ESR1: variants seen among roughly 807,000 people sequenced by gnomAD.
ESR1 encodes estrogen receptor 1, also known as estrogen receptor.
Under a neutral mutation model 52.7 loss-of-function variants are expected in ESR1, and 12 were observed. That is an observed-to-expected ratio of 0.23 (90% CI 0.15 to 0.37). The LOEUF is 0.37. Ranked by LOEUF, ESR1 falls within the 10% of genes least tolerant of loss-of-function variation. ESR1 has a pLI of 1.00. For missense variants in ESR1, 584 were observed against 779.7 expected (o/e 0.75, Z 2.99); for synonymous variants, 305 against 316.8 (o/e 0.96, Z 0.39).
At chr6:151,728,140 A>C (rs1302672351) in intron 2 of ESR1, among the ~76,000 whole-genome samples, 3 of 152,170 alleles carry the variant, frequency 2.0e-5, no homozygotes, top group African/African-American at 7.2e-5. Flanking sequence ...CCTGGTTTGA[A>C]GTGCCAGTCC....
chr6:151,978,566 T>C (rs7760755), intron 4 of ESR1, among the ~76,000 whole-genome samples: 2,829 of 152,110 alleles, frequency 0.019, 83 homozygotes, highest in African/African-American at 0.064. Context: ...CCAAGATCCA[T>C]CTTCATGGAC....
intron 5 of ESR1, among the ~76,000 whole-genome samples, chr6:152,030,163 A>G (rs559095683): frequency 1.6e-3 from 241 of 152,360 alleles, no homozygotes; most frequent in South Asian, 5.2e-3. Context: ...GAAAGGAACA[A>G]CTAGTACCAG....
At chr6:151,904,404 T>C (rs537299864) in intron 3 of ESR1, among the ~76,000 whole-genome samples, 1 of 152,216 alleles carries the variant, frequency 6.6e-6, no homozygotes, top group South Asian at 2.1e-4. Context: ...CTTGGGAAGT[T>C]CTCAGTGTAA....
chr6:152,092,339 C>G (rs1351598671), intron 6 of ESR1, among the ~76,000 whole-genome samples: 1 of 152,230 alleles, frequency 6.6e-6, no homozygotes, highest in Admixed American at 6.5e-5. Flanking sequence ...AAGATCCCGA[C>G]CATTCTGGTT....
At chr6:151,896,003 G>A (rs1442923695) in intron 3 of ESR1, among the ~76,000 whole-genome samples, 1 of 151,974 alleles carries the variant, frequency 6.6e-6, no homozygotes, top group Non-Finnish European at 1.5e-5. Context: ...TTGGCCAGGC[G>A]GGTCTTGAAC....
chr6:151,672,974 C>G (rs1366903091), intron 1 of ESR1, among the ~76,000 whole-genome samples: 1 of 151,272 alleles, frequency 6.6e-6, no homozygotes, highest in Non-Finnish European at 1.5e-5. Context: ...GACTACAGGC[C>G]CCCGCCACCA....
At chr6:152,013,994 A>G (rs558961821) in intron 5 of ESR1, among the ~76,000 whole-genome samples, 1 of 152,142 alleles carries the variant, frequency 6.6e-6, no homozygotes, top group African/African-American at 2.4e-5. Context: ...GGTAACTGAA[A>G]CATAAGCAAA....
chr6:152,087,134 T>G (rs2049789838), intron 6 of ESR1, among the ~76,000 whole-genome samples: 1 of 152,158 alleles, frequency 6.6e-6, no homozygotes, highest in African/African-American at 2.4e-5. Context: ...GCAAATTGGT[T>G]GCTATGAAGT....
chr6:152,051,438 C>A (rs2046670816), intron 5 of ESR1, among the ~76,000 whole-genome samples: 1 of 152,210 alleles, frequency 6.6e-6, no homozygotes, highest in South Asian at 2.1e-4. Context: ...CAAATCCATG[C>A]TTCTCTTTCT....
At chr6:152,097,419 C>T (rs1004545691) in intron 7 of ESR1, among the ~76,000 whole-genome samples, 2 of 151,186 alleles carry the variant, frequency 1.3e-5, no homozygotes, top group African/African-American at 4.9e-5. Flanking sequence ...AAAAAAGTAA[C>T]ACTTAAACAA....
intron 1 of ESR1, among the ~76,000 whole-genome samples, chr6:151,833,438 G>A (rs1363180283): frequency 6.6e-6 from 1 of 152,162 alleles, no homozygotes; most frequent in Non-Finnish European, 1.5e-5. Flanking sequence ...GGTAGCCGTG[G>A]AGGAGACATG....
intron 2 of ESR1, among the ~76,000 whole-genome samples, chr6:151,868,729 C>A (rs1053395871): frequency 2.0e-5 from 3 of 151,992 alleles, no homozygotes; most frequent in Non-Finnish European, 4.4e-5. Flanking sequence ...TGGGTTGATT[C>A]CATGTCTTTG....
intron 4 of ESR1, among the ~76,000 whole-genome samples, chr6:151,981,752 T>C (rs1472099261): frequency 1.3e-5 from 2 of 152,224 alleles, no homozygotes; most frequent in African/African-American, 4.8e-5. Flanking sequence ...ACTTTAGAAA[T>C]TCAAATGTAT....
At chr6:152,030,787 C>A (rs2044625382) in intron 5 of ESR1, among the ~76,000 whole-genome samples, 1 of 152,174 alleles carries the variant, frequency 6.6e-6, no homozygotes, top group African/African-American at 2.4e-5. Flanking sequence ...ACCAAGCAGA[C>A]CTAATAGACA....
At chr6:151,941,463 T>G (rs2035047974) in intron 3 of ESR1, among the ~76,000 whole-genome samples, 1 of 152,140 alleles carries the variant, frequency 6.6e-6, no homozygotes, top group Admixed American at 6.5e-5. Context: ...CCTCAGAATT[T>G]CCTGAGAAAT....
At chr6:151,725,898 T>C (rs953340758) in intron 2 of ESR1, among the ~76,000 whole-genome samples, 3 of 152,316 alleles carry the variant, frequency 2.0e-5, no homozygotes, top group South Asian at 2.1e-4. Context: ...AAAATTGTTA[T>C]TGAATTCAAG....
chr6:151,930,512 T>C (rs1161521013), intron 3 of ESR1, among the ~76,000 whole-genome samples: 1 of 152,224 alleles, frequency 6.6e-6, no homozygotes, highest in Non-Finnish European at 1.5e-5. Flanking sequence ...ATTGCTGCTA[T>C]TATGATTTTA....
At chr6:152,007,991 T>A (rs569348408) in intron 4 of ESR1, among the ~76,000 whole-genome samples, 1 of 152,230 alleles carries the variant, frequency 6.6e-6, no homozygotes, top group East Asian at 1.9e-4. Flanking sequence ...ACCAAGGTCT[T>A]GAAACTTGAT....
At chr6:151,742,672 A>G (rs544304545) in intron 2 of ESR1, among the ~76,000 whole-genome samples, 1 of 152,334 alleles carries the variant, frequency 6.6e-6, no homozygotes, top group Non-Finnish European at 1.5e-5. Context: ...AAAAAGTGCT[A>G]TTAAGTGTTT....
Sources: allele counts gnomAD v4.1 joint callset (sites outside exome capture counted in the v4.1 genomes callset), GRCh38; gene constraint gnomAD v4.1.1; transcripts MANE v1.5; gene names NCBI Gene and HGNC (gene_info 2026-07-23, HGNC 2026-07-21).